The following LRRFIP1 variants were observed in gnomAD, a reference collection of about 807,000 sequenced individuals.
The protein encoded by LRRFIP1 is leucine-rich repeat flightless-interacting protein 1.
A neutral mutation model predicts 104.4 loss-of-function variants in LRRFIP1; 62 were observed. That is an observed-to-expected ratio of 0.59 (90% CI 0.48 to 0.73). The LOEUF is 0.73. Among genes scored for constraint, LRRFIP1 ranks in the 30% least tolerant of loss-of-function variants. The pLI, the probability that LRRFIP1 is intolerant of heterozygous loss-of-function variation, is 0.00. For missense variants in LRRFIP1, 796 were observed against 824.5 expected (o/e 0.97, Z 0.42); for synonymous variants, 300 against 299.0 (o/e 1.00, Z -0.03).
intron 11 of LRRFIP1, among the ~76,000 whole-genome samples, chr2:237,746,615 A>G (rs1212694703): frequency 1.3e-5 from 2 of 152,308 alleles, no homozygotes; most frequent in Middle Eastern, 6.8e-3. Flanking sequence ...TGGCATGCAC[A>G]TCCGAAAAAA....
intron 1 of LRRFIP1, among the ~76,000 whole-genome samples, chr2:237,645,159 A>T (rs2084669579): frequency 6.6e-6 from 1 of 152,260 alleles, no homozygotes; most frequent in Admixed American, 6.5e-5. Context: ...CATCACCATC[A>T]TTAGTAAATT....
intron 2 of LRRFIP1, among the ~76,000 whole-genome samples, chr2:237,709,578 T>C (rs895199291): frequency 2.0e-5 from 3 of 152,200 alleles, no homozygotes; most frequent in Admixed American, 2.0e-4. Context: ...CAGATTCTCT[T>C]ATGGTGGTTG....
At position 237,657,438 on chromosome 2, in the gene LRRFIP1, T is replaced by C. The variant is rs1334634468; in HGVS notation, c.96+29698T>C. 7.9e-5 allele frequency among the ~76,000 whole-genome samples: 12 copies of C among 152,298 alleles called. No homozygotes were observed. In the East Asian group the frequency reaches 2.1e-3, roughly 27 times the overall value. On this transcript the variant is annotated intron_variant, in intron 1 of 23. Coordinates refer to ENST00000308482, the MANE Select transcript of LRRFIP1 (RefSeq NM_001137550.2). ...TAGTACAGTCACTACTGAAACAGTCTAATCGTGTTTTCAGATGGCCATGAT... is the reference window on the plus strand; with the variant it reads ...TAGTACAGTCACTACTGAAACAGTCCAATCGTGTTTTCAGATGGCCATGAT...
intron 3 of LRRFIP1, among the ~76,000 whole-genome samples, chr2:237,716,510 G>A (rs899636334): frequency 6.6e-6 from 1 of 152,102 alleles, no homozygotes; most frequent in Non-Finnish European, 1.5e-5. Context: ...AAAGAGATAA[G>A]ACCGTCTGAA....
intron 1 of LRRFIP1, among the ~76,000 whole-genome samples, chr2:237,630,321 AG>A (rs574020354): frequency 4.6e-5 from 7 of 152,368 alleles, no homozygotes; most frequent in African/African-American, 1.7e-4. Context: ...TCTTGGGTTC[AG>A]TACTTTCTTA....
Position 237,765,843 on chromosome 2 carries a change from C to T in LRRFIP1, c.1460-4100C>T. Reference sequence around the variant, plus strand: ...CAAGATAGAATTGAATGCAAAAAGACCAAAACCTCAATAAAATTTGAGGAA... The same window carrying T: ...CAAGATAGAATTGAATGCAAAAAGATCAAAACCTCAATAAAATTTGAGGAA... On this transcript the variant is annotated intron_variant, in intron 19 of 23. Coordinates refer to ENST00000308482, the MANE Select transcript of LRRFIP1 (RefSeq NM_001137550.2). The T allele has an allele frequency of 3.1e-6, 3 of 976,990 alleles. No homozygotes were observed. In the South Asian group the frequency reaches 1.4e-4, roughly 46 times the overall value. 60.5% of individuals were successfully genotyped at this position (976,990 alleles called of 1,614,324 possible). A position where few individuals can be genotyped will look rare whatever the true frequency, so the allele number is the denominator to read the frequency against.
intron 1 of LRRFIP1, among the ~76,000 whole-genome samples, chr2:237,682,692 A>G (rs1023480143): frequency 3.8e-4 from 58 of 151,882 alleles, no homozygotes; most frequent in African/African-American, 1.3e-3. Context: ...CCCACTTCCC[A>G]CCCAGTGACC....
In LRRFIP1 at chr2:237,753,405, A is replaced by G. The variant is rs751606962; in HGVS notation, c.964A>G (p.Thr322Ala). The G allele has an allele frequency of 6.2e-7, 1 of 1,606,100 alleles. No individual in the cohort carries two copies. The highest frequency in any genetic ancestry group is 8.5e-7 in the Non-Finnish European group (1 of 1,178,274). Residue 322 changes from threonine to alanine, a missense_variant, in exon 15 of 24, where the codon ACC (threonine) becomes GCC (alanine). Physicochemically the swap from Thr to Ala is moderately conservative, Grantham distance 58 (BLOSUM62 0). Transcript: ENST00000308482. ...GACAAACTTCATGTACCAGGTTGATACCCTAAAAGATATGTTGCTGGAGCT... is the reference window on the plus strand; with the variant it reads ...GACAAACTTCATGTACCAGGTTGATGCCCTAAAAGATATGTTGCTGGAGCT... ...EKTNFMYQVD[T>A]LKDMLLELEE... is the part of the protein sequence containing the mutation.
intron 10 of LRRFIP1, among the ~76,000 whole-genome samples, chr2:237,738,155 G>A (rs906025817): frequency 6.6e-6 from 1 of 152,016 alleles, no homozygotes; most frequent in Non-Finnish European, 1.5e-5. Flanking sequence ...ATCTGGATGA[G>A]ATCATGAGCA....
Position 237,780,452 on chromosome 2 carries a change from A to G in LRRFIP1, c.*920A>G, listed in dbSNP as rs1366721345. 1 of 152,158 alleles carries G rather than the reference A, an allele frequency of 6.6e-6. No homozygotes were observed. Among genetic ancestry groups the G allele is most frequent in the Non-Finnish European group, 1.5e-5 (1 of 68,024 alleles). The allele number at this position is 152,158 out of a possible 1,614,324, so 9.4% of individuals were successfully genotyped here. On this transcript the variant is annotated 3_prime_UTR_variant, in exon 24 of 24. Coordinates refer to ENST00000308482, the MANE Select transcript of LRRFIP1 (RefSeq NM_001137550.2). ...ATTTTTCTTTCCCTATTTAAAAAAA[A>G]AGGTGTTTTCACAGAATGAGTGCAC...
At position 237,659,125 on chromosome 2, in the gene LRRFIP1, G is replaced by A. The variant is rs545417105; in HGVS notation, c.96+31385G>A. ...TCTTTTTTTAATGAGACAGGGTCTC[G>A]TTCCCTCACCCAGGCTAAAGTGCAG... On this transcript the variant is annotated intron_variant, in intron 1 of 23. Transcript: ENST00000308482. 1.4e-3 allele frequency among the ~76,000 whole-genome samples: 206 copies of A among 151,946 alleles called. 1 individual carries two copies. The highest frequency in any genetic ancestry group is 2.2e-3 in the Admixed American group (33 of 15,256).
rs1209356991 is a variant in LRRFIP1, at chr2:237,733,651, T to C, written c.445-123T>C. On this transcript the variant is annotated intron_variant, in intron 8 of 23. Transcript: ENST00000308482. ...CACGGTGCCTCGATCGGTTTGTTTC[T>C]GTTTAACCACTGTACAGCAGTTGGC... 4.4e-6 allele frequency: 4 copies of C among 913,260 alleles called. No homozygotes were observed. In the African/African-American group the frequency reaches 4.9e-5, roughly 11 times the overall value. 56.6% of individuals were successfully genotyped at this position (913,260 alleles called of 1,614,324 possible).
chr2:237,777,586 G>C (rs1368998566), intron 23 of LRRFIP1, among the ~76,000 whole-genome samples: 1 of 152,048 alleles, frequency 6.6e-6, no homozygotes, highest in East Asian at 1.9e-4. Context: ...TCGGTCCTTT[G>C]TAGGGACCTT....
chr2:237,775,077 C>T (rs906919986), intron 23 of LRRFIP1, among the ~76,000 whole-genome samples: 4 of 152,246 alleles, frequency 2.6e-5, no homozygotes. Flanking sequence ...GCAGCTGTGA[C>T]CTTACAGACA....
intron 12 of LRRFIP1, among the ~76,000 whole-genome samples, chr2:237,748,814 C>T (rs529643960): frequency 2.0e-5 from 3 of 152,228 alleles, no homozygotes; most frequent in African/African-American, 7.2e-5. Flanking sequence ...TGTGTTAGTC[C>T]GTTCTCACAC....
In LRRFIP1 at chr2:237,780,700, T is replaced by C. The variant is rs531805091; in HGVS notation, c.*1168T>C. ...TCTAGTCTTAACACATGGAGAATGC[T>C]GGAGTGAGGGTTGTGAGTTCAGGGT... On this transcript the variant is annotated 3_prime_UTR_variant, in exon 24 of 24. Transcript: ENST00000308482. Among the ~76,000 whole-genome samples, 51 of 152,302 alleles carry C rather than the reference T, an allele frequency of 3.3e-4. No individual in the cohort carries two copies. The South Asian group carries it at 4.8e-3, about 14-fold the overall frequency.
At chr2:237,775,047 C>T (rs1344430772) in intron 23 of LRRFIP1, among the ~76,000 whole-genome samples, 4 of 152,386 alleles carry the variant, frequency 2.6e-5, no homozygotes, top group South Asian at 4.1e-4. Flanking sequence ...ATGCCGGGCA[C>T]GGGTTCAGGT....
chr2:237,726,704 A>G (rs1261217630), intron 7 of LRRFIP1, among the ~76,000 whole-genome samples: 1 of 152,096 alleles, frequency 6.6e-6, no homozygotes, highest in Non-Finnish European at 1.5e-5. Flanking sequence ...GTCTCCTTCC[A>G]TTTTTACCAG....
chr2:237,674,109 G>A (rs1379914645), intron 1 of LRRFIP1, among the ~76,000 whole-genome samples: 1 of 152,188 alleles, frequency 6.6e-6, no homozygotes, highest in Non-Finnish European at 1.5e-5. Context: ...GGGGCAGCAG[G>A]AATTCTGCTT....
Sources: gnomAD v4.1 joint callset for allele counts (sites outside exome capture counted in the v4.1 genomes callset) on GRCh38, gnomAD v4.1.1 for gene constraint, MANE v1.5 for transcripts, NCBI Gene and HGNC (gene_info 2026-07-23, HGNC 2026-07-21) for gene names.